The following RFC1 variants were observed in gnomAD, a reference collection of about 807,000 sequenced individuals.
The protein encoded by RFC1 is A1 140 kDa subunit.
RFC1 carries 37 observed loss-of-function variants against 137.4 expected under a neutral mutation model. The ratio of observed to expected loss-of-function variants is 0.27; its 90% CI spans 0.21 to 0.35. The LOEUF is 0.35. RFC1 is among the 10% of genes least tolerant of loss of function. The pLI is 1.00. For missense variants in RFC1, 1,205 were observed against 1,358.5 expected (o/e 0.89, Z 1.78); for synonymous variants, 429 against 455.7 (o/e 0.94, Z 0.75).
intron 6 of RFC1, 139 bp from the exon 7 acceptor site, chr4:39,323,556 C>A (rs548253895): frequency 1.4e-6 from 1 of 731,834 alleles, no homozygotes; most frequent in South Asian, 1.9e-5. Flanking sequence ...TCCCACTCAA[C>A]ATTAATAGTG....
At chr4:39,359,064 C>A (rs1205363376) in intron 1 of RFC1, among the ~76,000 whole-genome samples, 2 of 152,218 alleles carry the variant, frequency 1.3e-5, no homozygotes, top group East Asian at 3.9e-4. Context: ...TCCCTTTATT[C>A]CCCATCTCCA....
chr4:39,329,503 G>A (rs1335972165), intron 4 of RFC1, among the ~76,000 whole-genome samples: 1 of 151,800 alleles, frequency 6.6e-6, no homozygotes, highest in Non-Finnish European at 1.5e-5. Flanking sequence ...GGCAGAGGGT[G>A]CAGTGAGCTG....
chr4:39,329,766 G>A lies in RFC1; in HGVS notation c.332-2010C>T, dbSNP rs144191805. Among the ~76,000 whole-genome samples, 267 of 152,098 alleles carry A rather than the reference G, an allele frequency of 1.8e-3. 1 individual carries two copies. The highest frequency in any genetic ancestry group is 6.2e-3 in the African/African-American group (258 of 41,526). On this transcript the variant is annotated intron_variant, in intron 4 of 24. Coordinates refer to ENST00000349703, the MANE Select transcript of RFC1 (RefSeq NM_002913.5). ...CAATTGAAAATAGGCCAGGTGCAGT[G>A]GCTCACACCTGCAATCCCAGCACTC... is the stretch of plus-strand genomic sequence containing the variant.
chr4:39,307,697 C>T (rs1738749565), intron 13 of RFC1, among the ~76,000 whole-genome samples: 1 of 150,594 alleles, frequency 6.6e-6, no homozygotes, highest in Admixed American at 6.6e-5. Context: ...GCCTGGGCAA[C>T]AGAGCAAGAC....
chr4:39,351,272 A>G (rs922006461), intron 2 of RFC1, 76 bp downstream of exon 2: 1 of 675,030 alleles, frequency 1.5e-6, no homozygotes, highest in East Asian at 7.3e-5. Flanking sequence ...AAAAAAAAAA[A>G]AAAAAAAAAA....
At chr4:39,337,848 G>A (rs975366496) in intron 4 of RFC1, among the ~76,000 whole-genome samples, 4 of 151,984 alleles carry the variant, frequency 2.6e-5, no homozygotes, top group African/African-American at 4.8e-5. Context: ...ACACAACATC[G>A]CCAATTTTTT....
chr4:39,291,742 G>A lies in RFC1; in HGVS notation c.3065C>T (p.Ala1022Val), dbSNP rs1560585707. Residue 1022 changes from alanine (A) to valine (V), a missense_variant, in exon 23 of 25, where the codon GCA becomes GTA. Around this residue, in one of 3 missense-constraint regions of RFC1, gnomAD observed 237 missense variants for 304.2 expected, o/e 0.78. Coordinates refer to ENST00000349703, the MANE Select transcript of RFC1 (RefSeq NM_002913.5). ...QGVDGVQDVV[A>V]LMDTYYLMKE... Reference sequence around the variant, plus strand: ...CATCAAATAATATGTGTCCATAAGTGCAACAACATCCTGTACTCCGTCTAC... The same window carrying A: ...CATCAAATAATATGTGTCCATAAGTACAACAACATCCTGTACTCCGTCTAC... 8 of 1,613,566 alleles carry A rather than the reference G, an allele frequency of 5.0e-6. No individual in the cohort carries two copies. The Admixed American group carries it at 1.2e-4, about 24-fold the overall frequency.
At chr4:39,293,777 C>T (rs897048063) in intron 22 of RFC1, among the ~76,000 whole-genome samples, 5 of 152,054 alleles carry the variant, frequency 3.3e-5, no homozygotes, top group African/African-American at 9.7e-5. Context: ...TGGAGTCTAG[C>T]GGGAGCATCT....
chr4:39,326,420 T>C, intron 6 of RFC1, 143 bp downstream of exon 6: 2 of 590,992 alleles, frequency 3.4e-6, no homozygotes, highest in Non-Finnish European at 5.9e-6. Flanking sequence ...TCATTTATCT[T>C]GTATAGAAAT....
chr4:39,300,223 A>G, intron 20 of RFC1, 37 bp downstream of exon 20: 1 of 1,613,014 alleles, frequency 6.2e-7, no homozygotes. Flanking sequence ...GCAGTGCTGG[A>G]TACTAAGCAC....
At chr4:39,329,151 A>AAAAAAAAAAAAAAAAAAAAAAAAC (rs1739949294) in intron 4 of RFC1, among the ~76,000 whole-genome samples, 1 of 137,960 alleles carries the variant, frequency 7.2e-6, no homozygotes, top group African/African-American at 2.5e-5. Flanking sequence ...AAAAAAAAAA[A>AAAAAAAAAAAAAAAAAAAAAAAAC]AAGCTTTTCG....
intron 6 of RFC1, among the ~76,000 whole-genome samples, chr4:39,325,635 G>A (rs141923722): frequency 3.9e-5 from 6 of 152,128 alleles, no homozygotes; most frequent in East Asian, 1.9e-4. Flanking sequence ...CTCTCACCTC[G>A]GCCTCCCAAA....
chr4:39,349,264 C>T (rs1741064258), intron 2 of RFC1, among the ~76,000 whole-genome samples: 1 of 152,114 alleles, frequency 6.6e-6, no homozygotes, highest in Non-Finnish European at 1.5e-5. Context: ...AATGTTATAT[C>T]CTGAATGTCT....
intron 1 of RFC1, among the ~76,000 whole-genome samples, chr4:39,359,927 T>C (rs1451536516): frequency 1.3e-5 from 2 of 151,932 alleles, no homozygotes; most frequent in Non-Finnish European, 1.5e-5. Context: ...ACCTACTACT[T>C]GGGTGATGGG....
chr4:39,359,833 A>G (rs1022907533), intron 1 of RFC1, among the ~76,000 whole-genome samples: 67 of 151,674 alleles, frequency 4.4e-4, no homozygotes, highest in African/African-American at 1.4e-3. Flanking sequence ...AAAAAAAAAA[A>G]AAAAGAATAA....
At position 39,288,079 on chromosome 4, in the gene RFC1, A is replaced by T. The variant is rs1355291549; in HGVS notation, c.*682T>A. ...TTCTGACTCCTCGACTGCCAATGTT[A>T]TGTTTCACACAACAGGTTAGTAAGG... is the stretch of plus-strand genomic sequence containing the variant. On this transcript the variant is annotated 3_prime_UTR_variant, in exon 25 of 25. Coordinates refer to ENST00000349703, the MANE Select transcript of RFC1 (RefSeq NM_002913.5). 6.6e-6 allele frequency: 1 copy of T among 152,250 alleles called. No homozygotes were observed. Among genetic ancestry groups the T allele is most frequent in the Non-Finnish European group, 1.5e-5 (1 of 68,050 alleles). 9.4% of individuals were successfully genotyped at this position (152,250 alleles called of 1,614,324 possible).
At chr4:39,298,817 A>T (rs1738173675) in intron 21 of RFC1, among the ~76,000 whole-genome samples, 1 of 152,228 alleles carries the variant, frequency 6.6e-6, no homozygotes, top group Admixed American at 6.5e-5. Flanking sequence ...TTTGAAATAT[A>T]GAAAAATAAG....
At chr4:39,311,823 T>C (rs1738975130) in intron 11 of RFC1, among the ~76,000 whole-genome samples, 1 of 152,220 alleles carries the variant, frequency 6.6e-6, no homozygotes, top group Non-Finnish European at 1.5e-5. Flanking sequence ...TTACCTTTCC[T>C]CCCCTAGAAA....
intron 3 of RFC1, 30 bp downstream of exon 3, chr4:39,345,371 A>C: frequency 8.2e-6 from 13 of 1,589,748 alleles, no homozygotes; most frequent in Non-Finnish European, 1.1e-5. Flanking sequence ...TAACTTTAAA[A>C]TTTTAAAGCT....
Sources: allele counts gnomAD v4.1 joint callset (sites outside exome capture counted in the v4.1 genomes callset), GRCh38; gene constraint gnomAD v4.1.1; regional missense constraint gnomAD v4.1.1; transcripts MANE v1.5; gene names NCBI Gene and HGNC (gene_info 2026-07-23, HGNC 2026-07-21).